INSL6: variants seen among roughly 807,000 people sequenced by gnomAD.
INSL6 encodes insulin like 6.
Under a neutral mutation model 9.4 loss-of-function variants are expected in INSL6, and 16 were observed. The observed-to-expected ratio is 1.70, with a 90% CI of 1.15 to 2.59. The LOEUF (loss-of-function observed/expected upper bound fraction) is 2.59. Among genes scored for constraint, INSL6 ranks in the 30% most tolerant of loss-of-function variants. The pLI is 0.00. For missense variants in INSL6, 391 were observed against 257.3 expected, an observed-to-expected ratio of 1.52 and a Z score of -3.56; for synonymous variants, 154 against 96.9, an observed-to-expected ratio of 1.59 and a Z score of -3.46.
At chr9:5,147,483 G>T (rs1240327924) in intron 2 of INSL6, among the ~76,000 whole-genome samples, 1 of 152,198 alleles carries the variant, frequency 6.6e-6, no homozygotes, top group Non-Finnish European at 1.5e-5. Context: ...GTTGCTACTG[G>T]CTTGATAGCT....
the INSL6 span, among the ~76,000 whole-genome samples, chr9:5,071,060 G>A: frequency 8.5e-5 from 13 of 152,178 alleles, no homozygotes; most frequent in Non-Finnish European, 1.6e-4. Context: ...GTGAGGAAAA[G>A]GAGTCTCTCC....
intron 2 of INSL6, among the ~76,000 whole-genome samples, chr9:5,153,777 A>T (rs1431686203): frequency 6.6e-6 from 1 of 152,222 alleles, no homozygotes; most frequent in Non-Finnish European, 1.5e-5. Context: ...GATGTGGAGG[A>T]CCTCTTCAAG....
chr9:5,137,489 T>C (rs546049424), intron 2 of INSL6, among the ~76,000 whole-genome samples: 5 of 149,400 alleles, frequency 3.3e-5, no homozygotes, highest in African/African-American at 1.2e-4. Context: ...ACCTGATCTT[T>C]GACAAACCCT....
rs1564039373 is a variant in INSL6, at chr9:5,144,293, T to TC, written c.377-10702dup. Among the ~76,000 whole-genome samples the TC allele has an allele frequency of 2.0e-5, 3 of 152,344 alleles. No individual in the cohort carries two copies. The East Asian group carries it at 5.8e-4, about 29-fold the overall frequency. ...CCATTCAGGAGCAGGTTATTCAATT[T>TC]CCATGTAATTGTATGGCTTTGAGTG... On this transcript the variant is annotated intron_variant, in intron 2 of 3. Coordinates refer to the INSL6 transcript ENST00000649639.
the INSL6 span, chr9:5,042,052 G>A: frequency 3.7e-6 from 1 of 271,614 alleles, no homozygotes; most frequent in Non-Finnish European, 7.2e-6. Flanking sequence ...GACACAGACT[G>A]CAGGGTCTTG....
At chr9:5,178,757 T>C (rs147258334) in intron 1 of INSL6, among the ~76,000 whole-genome samples, 2 of 152,044 alleles carry the variant, frequency 1.3e-5, no homozygotes, top group Non-Finnish European at 2.9e-5. Flanking sequence ...AAACAAGCAA[T>C]GAGGGAAGAA....
intron 1 of INSL6, among the ~76,000 whole-genome samples, chr9:5,164,597 T>G (rs1825007401): frequency 6.6e-6 from 1 of 152,242 alleles, no homozygotes; most frequent in African/African-American, 2.4e-5. Context: ...CCAGAACATC[T>G]GTATCCAAAA....
At chr9:5,147,773 G>C (rs904140858) in intron 2 of INSL6, among the ~76,000 whole-genome samples, 1 of 152,156 alleles carries the variant, frequency 6.6e-6, no homozygotes, top group East Asian at 1.9e-4. Flanking sequence ...TTTTGACTGC[G>C]TTGATTTGAA....
At chr9:5,142,483 C>G (rs535732456) in intron 2 of INSL6, among the ~76,000 whole-genome samples, 1 of 152,010 alleles carries the variant, frequency 6.6e-6, no homozygotes, top group South Asian at 2.1e-4. Flanking sequence ...AGTTTGTTCC[C>G]GATTTGGCTC....
At chr9:5,022,770 A>G in the INSL6 span, among the ~76,000 whole-genome samples, 1 of 152,218 alleles carries the variant, frequency 6.6e-6, no homozygotes, top group Non-Finnish European at 1.5e-5. Flanking sequence ...TAGAGCTAAC[A>G]CATTTTACTA....
At chr9:5,172,574 T>A (rs1313169219) in intron 1 of INSL6, among the ~76,000 whole-genome samples, 1 of 152,214 alleles carries the variant, frequency 6.6e-6, no homozygotes, top group Admixed American at 6.5e-5. Context: ...AACGAAGGTC[T>A]AATATCCAGA....
downstream of INSL6, among the ~76,000 whole-genome samples, chr9:5,120,066 A>G (rs974146312): frequency 6.6e-5 from 10 of 152,224 alleles, no homozygotes; most frequent in Non-Finnish European, 1.0e-4. Context: ...TCACACTTCT[A>G]GAGGTTAGGA....
rs190495663 is a variant in INSL6, at chr9:5,164,964, C to G, written c.290-699G>C. Among the ~76,000 whole-genome samples the G allele has an allele frequency of 8.5e-5, 13 of 152,264 alleles. No individual in the cohort carries two copies. In the East Asian group the frequency reaches 1.7e-3, roughly 20 times the overall value. The stretch of plus-strand genomic sequence containing the variant: ...GGCTCACGCCTGTAATCCCAGCACT[C>G]TGGGAGGCCGAGGCGGGCGGATCAC... On this transcript the variant is annotated intron_variant, in intron 1 of 1. Transcript: ENST00000381641.
At chr9:5,003,826 TG>T in the INSL6 span, among the ~76,000 whole-genome samples, 14 of 150,460 alleles carry the variant, frequency 9.3e-5, no homozygotes, top group South Asian at 1.7e-3. Flanking sequence ...TTAGGTATAT[TG>T]TTTTTTTACT....
At chr9:5,130,439 A>G (rs903348760) in intron 3 of INSL6, among the ~76,000 whole-genome samples, 7 of 152,216 alleles carry the variant, frequency 4.6e-5, no homozygotes, top group Admixed American at 3.9e-4. Flanking sequence ...CAGGCATATT[A>G]CAGAGACAAC....
At chr9:5,026,674 CTTGTT>C in the INSL6 span, among the ~76,000 whole-genome samples, 2 of 152,038 alleles carry the variant, frequency 1.3e-5, no homozygotes, top group Non-Finnish European at 2.9e-5. Flanking sequence ...CTTCTAAAGA[CTTGTT>C]TTGAGTTCAC....
chr9:5,148,828 G>GT (rs1346969115), intron 2 of INSL6, among the ~76,000 whole-genome samples: 1 of 152,210 alleles, frequency 6.6e-6, no homozygotes, highest in Non-Finnish European at 1.5e-5. Context: ...AATGTACTCA[G>GT]GTAGAGCAAG....
the INSL6 span, among the ~76,000 whole-genome samples, chr9:5,033,191 A>T: frequency 2.0e-5 from 3 of 152,236 alleles, no homozygotes; most frequent in Non-Finnish European, 2.9e-5. Context: ...AGAGAAGTTT[A>T]GAGAAAAAGG....
chr9:5,080,700 T>A, the INSL6 span: 1 of 1,517,050 alleles, frequency 6.6e-7, no homozygotes, highest in Non-Finnish European at 8.8e-7. Flanking sequence ...ATTTGAATGA[T>A]CTTATTGATT....
Sources: allele counts gnomAD v4.1 joint callset (sites outside exome capture counted in the v4.1 genomes callset), GRCh38; gene constraint gnomAD v4.1.1; transcripts MANE v1.5; gene names NCBI Gene and HGNC (gene_info 2026-07-23, HGNC 2026-07-21).